NFATC3: variants seen among roughly 807,000 people sequenced by gnomAD.
The protein encoded by NFATC3 is nuclear factor of activated T-cells, cytoplasmic 3.
A neutral mutation model predicts 98.6 loss-of-function variants in NFATC3; 46 were observed. The ratio of observed to expected loss-of-function variants is 0.47; its 90% CI spans 0.37 to 0.60. The LOEUF (loss-of-function observed/expected upper bound fraction) is 0.60. Ranked by LOEUF, NFATC3 falls within the 20% of genes least tolerant of loss-of-function variation. The probability of loss-of-function intolerance (pLI) is 0.00; values close to 1 mark genes in which losing one functional copy is unlikely to be tolerated. For synonymous variants in NFATC3, 512 were observed against 472.2 expected, an observed-to-expected ratio of 1.08 and a Z score of -1.09; for missense variants, 1,256 against 1,295.5, an observed-to-expected ratio of 0.97 and a Z score of 0.47.
chr16:68,185,014 C>G (rs1350324193), intron 8 of NFATC3, among the ~76,000 whole-genome samples: 1 of 151,018 alleles, frequency 6.6e-6, no homozygotes, highest in South Asian at 2.1e-4. Context: ...GAGAGTCTTA[C>G]CCTGTTGCTC....
At chr16:68,177,691 C>T (rs1051986595) in intron 6 of NFATC3, among the ~76,000 whole-genome samples, 1 of 152,176 alleles carries the variant, frequency 6.6e-6, no homozygotes, top group East Asian at 1.9e-4. Flanking sequence ...CCCATCACCT[C>T]TCTTTTATAA....
intron 9 of NFATC3, chr16:68,214,527 T>C (rs1222828656): frequency 6.1e-6 from 6 of 985,982 alleles, no homozygotes; most frequent in Non-Finnish European, 9.5e-6. Context: ...GGAGGGGGTA[T>C]GCACGGGCAT....
intron 9 of NFATC3, among the ~76,000 whole-genome samples, chr16:68,197,295 A>G (rs890858462): frequency 6.6e-6 from 1 of 151,886 alleles, no homozygotes; most frequent in Admixed American, 6.6e-5. Flanking sequence ...TCATTTTATT[A>G]TTCTTGAAGA....
At position 68,191,547 on chromosome 16, in the gene NFATC3, G is replaced by GCCT. The variant is rs747613502; in HGVS notation, c.2880_2882dup (p.Ser962dup). ...TTACCAATCTCCTAGCTCAGGAACT[G>GCCT]CCTCATCACCGTCTCCAGCCACCAG... On this transcript the variant is annotated inframe_insertion, in exon 9 of 10. Coordinates refer to ENST00000346183, the MANE Select transcript of NFATC3 (RefSeq NM_173165.3). 4 of 1,614,074 alleles carry GCCT rather than the reference G, an allele frequency of 2.5e-6. No individual in the cohort carries two copies. The highest frequency in any genetic ancestry group is 2.2e-5 in the South Asian group (2 of 91,076).
chr16:68,159,127 G>A (rs1346673212), intron 4 of NFATC3, among the ~76,000 whole-genome samples: 1 of 152,192 alleles, frequency 6.6e-6, no homozygotes, highest in East Asian at 1.9e-4. Flanking sequence ...AGCTACTTGG[G>A]AGACTGAGGT....
At position 68,190,546 on chromosome 16, in the gene NFATC3, C is replaced by T. The variant is rs184339022; in HGVS notation, c.2099-222C>T. ...TAACATAGTTTCTTGTGCCTCTTCC[C>T]AAAGATATTCATATTATACAGAAGC... is the stretch of plus-strand genomic sequence containing the variant. On this transcript the variant is annotated intron_variant, in intron 8 of 9. Coordinates refer to ENST00000346183, the MANE Select transcript of NFATC3 (RefSeq NM_173165.3). Among the ~76,000 whole-genome samples, 177 of 152,178 alleles carry T rather than the reference C, an allele frequency of 1.2e-3. 2 individuals carry two copies. The highest frequency in any genetic ancestry group is 3.6e-3 in the African/African-American group (151 of 41,512).
intron 9 of NFATC3, among the ~76,000 whole-genome samples, chr16:68,210,821 G>A (rs1399325255): frequency 1.3e-5 from 2 of 151,818 alleles, no homozygotes; most frequent in Admixed American, 6.6e-5. Context: ...TTGCTCTGTC[G>A]CTCAGGCAGG....
chr16:68,138,187 C>A (rs968681161), intron 3 of NFATC3, among the ~76,000 whole-genome samples: 1 of 151,914 alleles, frequency 6.6e-6, no homozygotes. Context: ...AGGCACCCAC[C>A]AACACACCCA....
At chr16:68,179,515 G>A (rs2039866342) in intron 6 of NFATC3, among the ~76,000 whole-genome samples, 1 of 152,194 alleles carries the variant, frequency 6.6e-6, no homozygotes, top group Admixed American at 6.5e-5. Flanking sequence ...TTACAACCTG[G>A]AAAGCATTTG....
intron 5 of NFATC3, among the ~76,000 whole-genome samples, chr16:68,167,799 C>T (rs942716822): frequency 4.0e-5 from 4 of 99,072 alleles, no homozygotes; most frequent in Admixed American, 3.2e-4. Flanking sequence ...TATCTGTTAA[C>T]CGTATGTGTT....
At chr16:68,169,106 A>C (rs1027706174) in intron 5 of NFATC3, among the ~76,000 whole-genome samples, 25 of 152,008 alleles carry the variant, frequency 1.6e-4, no homozygotes, top group African/African-American at 5.5e-4. Context: ...TTTAATGGGT[A>C]ATATAGGTAT....
rs1441889457 is a variant in NFATC3 at position 68,191,205 on chromosome 16, T to G, written c.2536T>G (p.Cys846Gly). Residue 846 changes from cysteine (C) to glycine (G), a missense_variant, in exon 9 of 10, where the codon TGT becomes GGT. Physicochemically the swap from Cys to Gly is radical, Grantham distance 159 (BLOSUM62 -3). This residue lies in a region of NFATC3 where 636 missense variants were observed against 617.3 expected (regional missense o/e 1.03). Coordinates refer to ENST00000346183, the MANE Select transcript of NFATC3 (RefSeq NM_173165.3). ...TCTTTCTGGTTTAGTGAATCTTGGCTGTCAACCACTGTCATCCATACCATT... is the reference window on the plus strand; with the variant it reads ...TCTTTCTGGTTTAGTGAATCTTGGCGGTCAACCACTGTCATCCATACCATT... ...ATLSGLVNLG[C>G]QPLSSIPFHS... 1 of 1,614,238 alleles carries G rather than the reference T, an allele frequency of 6.2e-7. No individual in the cohort carries two copies. Among genetic ancestry groups the G allele is most frequent in the Non-Finnish European group, 8.5e-7 (1 of 1,180,050 alleles).
rs2034340579 is a variant in NFATC3, at chr16:68,085,884, C to A, written c.103+100C>A. The A allele has an allele frequency of 4.3e-6, 4 of 938,104 alleles. No homozygotes were observed. In the South Asian group the frequency reaches 5.9e-5, roughly 14 times the overall value. 58.1% of individuals were successfully genotyped at this position (938,104 alleles called of 1,614,324 possible). A position where few individuals can be genotyped will look rare whatever the true frequency, so the allele number is the denominator to read the frequency against. ...CCCTTGGATGACCGGAGACCGATAA[C>A]CCTGTGTGTGTGTGTGCGCGCGCGT... is the stretch of plus-strand genomic sequence containing the variant. On this transcript the variant is annotated intron_variant, in intron 1 of 9. Coordinates refer to ENST00000346183, the MANE Select transcript of NFATC3 (RefSeq NM_173165.3).
At position 68,191,082 on chromosome 16, in the gene NFATC3, A is replaced by C; in HGVS notation, c.2413A>C (p.Met805Leu). Residue 805 changes from methionine (M) to leucine (L), a missense_variant, in exon 9 of 10, where the codon ATG becomes CTG. Around this residue, in one of 3 missense-constraint regions of NFATC3, gnomAD observed 636 missense variants for 617.3 expected, o/e 1.03. Transcript: ENST00000346183. ...TPPVGSSYQPMQTNVVYNGPT... is the reference protein window; with the variant it reads ...TPPVGSSYQPLQTNVVYNGPT... ...TCCTGTGGGGTCTTCCTATCAGCCT[A>C]TGCAAACTAATGTTGTGTACAATGG... is the stretch of plus-strand genomic sequence containing the variant. 1 of 1,614,198 alleles carries C rather than the reference A, an allele frequency of 6.2e-7. No homozygotes were observed. The highest frequency in any genetic ancestry group is 1.3e-5 in the African/African-American group (1 of 75,048).
chr16:68,108,274 C>T (rs953047183), intron 1 of NFATC3, among the ~76,000 whole-genome samples: 6 of 152,102 alleles, frequency 3.9e-5, no homozygotes, highest in African/African-American at 4.8e-5. Flanking sequence ...GGAAGGGATC[C>T]AGTTTCAGTT....
chr16:68,210,479 TAAA>T (rs1201509958), intron 9 of NFATC3, among the ~76,000 whole-genome samples: 1 of 150,076 alleles, frequency 6.7e-6, no homozygotes, highest in South Asian at 2.1e-4. Context: ...TCAAAAAAAA[TAAA>T]AGAATTTTTA....
Position 68,126,675 on chromosome 16 carries a change from T to G in NFATC3, c.1401+65T>G, listed in dbSNP as rs906983859. ...CCTAGTGATGATTAGACAAGTCTAT[T>G]CAGTTAGGTACTAGAGAGTGCAAAG... On this transcript the variant is annotated intron_variant, in intron 3 of 9. Transcript: ENST00000346183. The G allele has an allele frequency of 3.2e-6, 5 of 1,543,558 alleles. No homozygotes were observed. The South Asian group carries it at 5.8e-5, about 18-fold the overall frequency.
chr16:68,117,562 C>T (rs182434832), intron 1 of NFATC3, among the ~76,000 whole-genome samples: 121 of 152,260 alleles, frequency 7.9e-4, no homozygotes, highest in Middle Eastern at 3.4e-3. Flanking sequence ...GGATGGAGTG[C>T]AATGGCGCTA....
At chr16:68,145,997 A>G (rs1297423228) in intron 3 of NFATC3, among the ~76,000 whole-genome samples, 1 of 152,042 alleles carries the variant, frequency 6.6e-6, no homozygotes, top group Non-Finnish European at 1.5e-5. Context: ...GGGCTATAGT[A>G]TCCCTTGTCT....
Sources: allele counts gnomAD v4.1 joint callset (sites outside exome capture counted in the v4.1 genomes callset), GRCh38; gene constraint gnomAD v4.1.1; regional missense constraint gnomAD v4.1.1; transcripts MANE v1.5; gene names NCBI Gene and HGNC (gene_info 2026-07-23, HGNC 2026-07-21).